SSBP2: variants seen among roughly 807,000 people sequenced by gnomAD.
SSBP2 encodes the protein single-stranded DNA-binding protein 2.
SSBP2 carries 17 observed loss-of-function variants against 61.8 expected under a neutral mutation model. That is an observed-to-expected ratio of 0.28 (90% CI 0.19 to 0.41). The LOEUF is 0.41. SSBP2 is among the 10% of genes least tolerant of loss of function. SSBP2 has a pLI of 1.00. For missense variants in SSBP2, 310 were observed against 458.7 expected (o/e 0.68, Z 2.96); for synonymous variants, 139 against 141.3 (o/e 0.98, Z 0.12).
chr5:81,658,387 A>T (rs1001867991), intron 1 of SSBP2, among the ~76,000 whole-genome samples: 2 of 152,076 alleles, frequency 1.3e-5, no homozygotes, highest in Non-Finnish European at 2.9e-5. Context: ...GATTGACTCC[A>T]ATACCCCCAC....
At chr5:81,436,244 C>T (rs550911660) in intron 15 of SSBP2, among the ~76,000 whole-genome samples, 237 of 144,646 alleles carry the variant, frequency 1.6e-3, no homozygotes, top group Non-Finnish European at 3.0e-3. Context: ...TCATGGTAAT[C>T]TGACTTGCAA....
At position 81,419,688 on chromosome 5, in the gene SSBP2, A is replaced by G. The variant is rs574522971; in HGVS notation, c.*816T>C. ...ATTTGGGCTATTTAATGATTTCTGT[A>G]TCATCTAAGACAAACAAATCAAGAA... is the stretch of plus-strand genomic sequence containing the variant. On this transcript the variant is annotated 3_prime_UTR_variant, in exon 17 of 17. Transcript: ENST00000320672. 3 of 152,338 alleles carry G rather than the reference A, an allele frequency of 2.0e-5. No homozygotes were observed. The East Asian group carries it at 5.8e-4, about 29-fold the overall frequency. The allele number at this position is 152,338 out of a possible 1,614,324, so 9.4% of individuals were successfully genotyped here. A position where few individuals can be genotyped will look rare whatever the true frequency, so the allele number is the denominator to read the frequency against.
intron 8 of SSBP2, among the ~76,000 whole-genome samples, chr5:81,470,283 T>A (rs114269203): frequency 4.3e-5 from 6 of 140,800 alleles, no homozygotes; most frequent in Admixed American, 6.9e-5. Flanking sequence ...CAAAACCAAG[T>A]AGAAAACTGG....
intron 1 of SSBP2, among the ~76,000 whole-genome samples, chr5:81,684,546 G>A (rs1450826981): frequency 6.6e-6 from 1 of 152,080 alleles, no homozygotes; most frequent in Non-Finnish European, 1.5e-5. Flanking sequence ...ATTGTGCCCT[G>A]GTTGTGAGAC....
At chr5:81,508,510 C>G (rs1046940068) in intron 5 of SSBP2, among the ~76,000 whole-genome samples, 2 of 152,210 alleles carry the variant, frequency 1.3e-5, no homozygotes, top group East Asian at 3.9e-4. Flanking sequence ...TCTCTCATTT[C>G]AATAAAAACA....
At chr5:81,435,543 T>C (rs1337998979) in intron 15 of SSBP2, among the ~76,000 whole-genome samples, 1 of 152,138 alleles carries the variant, frequency 6.6e-6, no homozygotes, top group African/African-American at 2.4e-5. Context: ...GTGGAAAAAC[T>C]TGTATCCGAA....
intron 5 of SSBP2, among the ~76,000 whole-genome samples, chr5:81,491,689 C>G (rs1766864417): frequency 6.6e-6 from 1 of 151,648 alleles, no homozygotes; most frequent in African/African-American, 2.4e-5. Flanking sequence ...CCTTTAAGTT[C>G]AAATTTGTAT....
chr5:81,641,602 T>A (rs1274797582), intron 2 of SSBP2, among the ~76,000 whole-genome samples: 1 of 152,150 alleles, frequency 6.6e-6, no homozygotes, highest in East Asian at 1.9e-4. Context: ...TCCAAATGGA[T>A]CACTATTCTA....
At chr5:81,559,116 C>T (rs1463105193) in intron 4 of SSBP2, among the ~76,000 whole-genome samples, 7 of 151,598 alleles carry the variant, frequency 4.6e-5, no homozygotes, top group South Asian at 2.1e-4. Flanking sequence ...TAGCTGGGTG[C>T]GGTGCTCACG....
At chr5:81,493,006 A>G (rs1766973534) in intron 5 of SSBP2, among the ~76,000 whole-genome samples, 1 of 152,030 alleles carries the variant, frequency 6.6e-6, no homozygotes, top group Non-Finnish European at 1.5e-5. Flanking sequence ...GGCACAAACC[A>G]TTTTCATCAA....
intron 1 of SSBP2, among the ~76,000 whole-genome samples, chr5:81,665,442 C>A (rs1421327886): frequency 6.6e-6 from 1 of 152,120 alleles, no homozygotes; most frequent in Non-Finnish European, 1.5e-5. Flanking sequence ...ACTAGAGAAG[C>A]CTCAGATATA....
chr5:81,732,950 T>C (rs767867242), intron 1 of SSBP2, among the ~76,000 whole-genome samples: 1 of 152,246 alleles, frequency 6.6e-6, no homozygotes, highest in African/African-American at 2.4e-5. Flanking sequence ...TTTAAAAAGA[T>C]GATTTCTGTC....
At chr5:81,593,488 G>A (rs1298720232) in intron 4 of SSBP2, among the ~76,000 whole-genome samples, 1 of 152,116 alleles carries the variant, frequency 6.6e-6, no homozygotes, top group Non-Finnish European at 1.5e-5. Context: ...GAAATACAGA[G>A]AACGCCACAA....
chr5:81,667,277 G>GGATACA (rs1751213741), intron 1 of SSBP2, among the ~76,000 whole-genome samples: 4 of 123,550 alleles, frequency 3.2e-5, no homozygotes, highest in Non-Finnish European at 1.6e-5. Context: ...CAGACAGAAG[G>GGATACA]GATACAGATA....
chr5:81,707,749 T>C (rs1191389591), intron 1 of SSBP2, among the ~76,000 whole-genome samples: 1 of 152,216 alleles, frequency 6.6e-6, no homozygotes, highest in Non-Finnish European at 1.5e-5. Context: ...TCCTAGATTC[T>C]AGGCTTTAAA....
At chr5:81,443,191 G>A (rs903703342) in intron 12 of SSBP2, 3 of 151,854 alleles carry the variant, frequency 2.0e-5, no homozygotes, top group Admixed American at 6.6e-5. Flanking sequence ...GCTTAATTCC[G>A]AAAGAAAAAG....
At chr5:81,561,726 T>C (rs1291503886) in intron 4 of SSBP2, among the ~76,000 whole-genome samples, 18 of 152,004 alleles carry the variant, frequency 1.2e-4, no homozygotes, top group Non-Finnish European at 1.5e-5. Flanking sequence ...CCCCACAGAG[T>C]AGAATTGCAT....
At chr5:81,428,010 A>G (rs936462197) in intron 16 of SSBP2, among the ~76,000 whole-genome samples, 4 of 152,208 alleles carry the variant, frequency 2.6e-5, no homozygotes, top group African/African-American at 9.6e-5. Flanking sequence ...TTGCCTTGGC[A>G]TGTGGTAAGT....
intron 15 of SSBP2, among the ~76,000 whole-genome samples, chr5:81,430,659 T>A (rs1299027622): frequency 6.6e-6 from 1 of 152,170 alleles, no homozygotes; most frequent in Non-Finnish European, 1.5e-5. Flanking sequence ...ATACTTCCAG[T>A]GTTATTATTT....
Sources: gnomAD v4.1 joint callset for allele counts (sites outside exome capture counted in the v4.1 genomes callset) on GRCh38, gnomAD v4.1.1 for gene constraint, MANE v1.5 for transcripts, NCBI Gene and HGNC (gene_info 2026-07-23, HGNC 2026-07-21) for gene names.